MYRIP: variants seen among roughly 807,000 people sequenced by gnomAD.
The protein encoded by MYRIP is rab effector MyRIP.
In MYRIP, 49 loss-of-function variants were observed where a neutral mutation model predicts 98.0. The ratio of observed to expected loss-of-function variants is 0.50; its 90% CI spans 0.40 to 0.63. The LOEUF (loss-of-function observed/expected upper bound fraction) is 0.63. Ranked by LOEUF, MYRIP falls within the 30% of genes least tolerant of loss-of-function variation. MYRIP has a pLI of 0.00. For missense variants in MYRIP, 1,004 were observed against 1,058.2 expected (o/e 0.95, Z 0.71); for synonymous variants, 404 against 409.5 (o/e 0.99, Z 0.16).
intron 12 of MYRIP, among the ~76,000 whole-genome samples, chr3:40,236,721 T>C (rs996011864): frequency 3.3e-5 from 5 of 152,264 alleles, no homozygotes; most frequent in Admixed American, 2.0e-4. Flanking sequence ...TCAGTTGGCA[T>C]GGCCCTAGCC....
At chr3:39,998,218 C>T (rs150930714) in intron 2 of MYRIP, among the ~76,000 whole-genome samples, 3,635 of 152,166 alleles carry the variant, frequency 0.024, 75 homozygotes, top group Non-Finnish European at 0.033. Flanking sequence ...AAAGGGTATG[C>T]AATTAGGAAA....
intron 1 of MYRIP, among the ~76,000 whole-genome samples, chr3:39,874,975 C>A (rs1942939445): frequency 6.6e-6 from 1 of 152,104 alleles, no homozygotes; most frequent in Non-Finnish European, 1.5e-5. Flanking sequence ...TGGTCCTGGA[C>A]TCTTTTTGGT....
intron 2 of MYRIP, among the ~76,000 whole-genome samples, chr3:40,028,240 T>G (rs1209538908): frequency 1.3e-5 from 2 of 152,160 alleles, no homozygotes; most frequent in Non-Finnish European, 2.9e-5. Context: ...TTAAGATGCC[T>G]GTTGTAAGAC....
Position 39,937,072 on chromosome 3 carries a change from C to A in MYRIP, c.110+36146C>A, listed in dbSNP as rs114520396. The stretch of plus-strand genomic sequence containing the variant: ...CATGCCCAGATCTGCCTACCCACCC[C>A]CATACACTTGGTCATCTTGCTCCAA... On this transcript the variant is annotated intron_variant, in intron 2 of 16. Coordinates refer to ENST00000302541, the MANE Select transcript of MYRIP (RefSeq NM_015460.4). Among the ~76,000 whole-genome samples the A allele has an allele frequency of 6.0e-3, 908 of 152,258 alleles. 9 individuals are homozygous for A. The highest frequency in any genetic ancestry group is 0.021 in the African/African-American group (855 of 41,562).
chr3:39,953,501 C>T (rs1945078248), intron 2 of MYRIP, among the ~76,000 whole-genome samples: 1 of 152,208 alleles, frequency 6.6e-6, no homozygotes, highest in Admixed American at 6.5e-5. Context: ...TCTTCCGTTG[C>T]TATTAACAAA....
At chr3:40,114,272 T>C (rs1023365390) in intron 3 of MYRIP, among the ~76,000 whole-genome samples, 1 of 152,190 alleles carries the variant, frequency 6.6e-6, no homozygotes, top group African/African-American at 2.4e-5. Context: ...GCCTACAGTA[T>C]TCAGTACAAT....
chr3:40,255,113 C>CTAAT (rs1953531594), intron 16 of MYRIP, among the ~76,000 whole-genome samples: 1 of 152,212 alleles, frequency 6.6e-6, no homozygotes, highest in Non-Finnish European at 1.5e-5. Context: ...CTTTTAAAGT[C>CTAAT]TAATTCCCTT....
intron 3 of MYRIP, among the ~76,000 whole-genome samples, chr3:40,142,572 C>T (rs1381614140): frequency 6.6e-6 from 1 of 152,156 alleles, no homozygotes; most frequent in African/African-American, 2.4e-5. Flanking sequence ...AATCTATCCT[C>T]CCACCTCAGC....
chr3:40,018,323 C>G (rs969990185), intron 2 of MYRIP, among the ~76,000 whole-genome samples: 3 of 152,182 alleles, frequency 2.0e-5, no homozygotes, highest in Admixed American at 2.0e-4. Context: ...AGGATGATGC[C>G]ATGATATAAA....
chr3:40,232,480 C>A (rs905504918), intron 11 of MYRIP, among the ~76,000 whole-genome samples: 1 of 152,182 alleles, frequency 6.6e-6, no homozygotes, highest in Admixed American at 6.5e-5. Flanking sequence ...AAAATCAAGT[C>A]ATAGCTATCA....
At chr3:40,025,386 C>T (rs1275213971) in intron 2 of MYRIP, among the ~76,000 whole-genome samples, 1 of 151,926 alleles carries the variant, frequency 6.6e-6, no homozygotes, top group African/African-American at 2.4e-5. Context: ...CCGTCAGGGG[C>T]AGCAAAATGA....
intron 1 of MYRIP, among the ~76,000 whole-genome samples, chr3:39,848,208 T>G (rs1386444318): frequency 6.6e-6 from 1 of 152,218 alleles, no homozygotes; most frequent in Admixed American, 6.5e-5. Flanking sequence ...CTACTCAGCA[T>G]CATTTAAATG....
chr3:39,875,654 A>C (rs1350740574), intron 1 of MYRIP, among the ~76,000 whole-genome samples: 1 of 151,014 alleles, frequency 6.6e-6, no homozygotes, highest in East Asian at 1.9e-4. Context: ...AGCAGTTTTG[A>C]GTGAGTTTCT....
At chr3:39,876,659 G>A (rs1943004697) in intron 1 of MYRIP, among the ~76,000 whole-genome samples, 1 of 151,946 alleles carries the variant, frequency 6.6e-6, no homozygotes, top group Non-Finnish European at 1.5e-5. Flanking sequence ...TAAGAATGTT[G>A]AATATTGGCC....
At chr3:40,019,792 C>A (rs369284381) in intron 2 of MYRIP, among the ~76,000 whole-genome samples, 1 of 144,326 alleles carries the variant, frequency 6.9e-6, no homozygotes, top group Admixed American at 6.9e-5. Context: ...TAGCACAATA[C>A]CATTACCATT....
intron 8 of MYRIP, among the ~76,000 whole-genome samples, chr3:40,181,943 G>A (rs544233797): frequency 5.9e-5 from 9 of 152,278 alleles, no homozygotes; most frequent in Admixed American, 3.3e-4. Context: ...AATATTGGCC[G>A]CAAGAGTGGT....
chr3:40,084,763 C>T (rs956620895), intron 3 of MYRIP, among the ~76,000 whole-genome samples: 3 of 57,570 alleles, frequency 5.2e-5, no homozygotes, highest in Non-Finnish European at 1.2e-4. Flanking sequence ...TGTTACATGT[C>T]GATAGATAAT....
At chr3:40,140,251 T>C (rs1337093165) in intron 3 of MYRIP, among the ~76,000 whole-genome samples, 1 of 152,238 alleles carries the variant, frequency 6.6e-6, no homozygotes, top group Admixed American at 6.5e-5. Flanking sequence ...CTGTTTTTAC[T>C]AGCAACATAC....
At chr3:40,065,200 C>T (rs1227703536) in intron 3 of MYRIP, among the ~76,000 whole-genome samples, 1 of 152,170 alleles carries the variant, frequency 6.6e-6, no homozygotes, top group Non-Finnish European at 1.5e-5. Flanking sequence ...CTAGCCTCTG[C>T]CTTCGTTATC....
Sources: gnomAD v4.1 joint callset for allele counts (sites outside exome capture counted in the v4.1 genomes callset) on GRCh38, gnomAD v4.1.1 for gene constraint, MANE v1.5 for transcripts, NCBI Gene and HGNC (gene_info 2026-07-23, HGNC 2026-07-21) for gene names.